Variants in CNTNAP2 observed in about 807,000 individuals in gnomAD.
CNTNAP2 encodes contactin associated protein 2, also known as contactin-associated protein-like 2.
Under a neutral mutation model 155.2 loss-of-function variants are expected in CNTNAP2, and 98 were observed. That is an observed-to-expected ratio of 0.63 (90% CI 0.54 to 0.75). The LOEUF (loss-of-function observed/expected upper bound fraction) is 0.75. CNTNAP2 is among the 30% of genes least tolerant of loss of function. CNTNAP2 has a pLI of 0.00. For synonymous variants in CNTNAP2, 651 were observed against 631.2 expected (o/e 1.03, Z -0.47); for missense variants, 1,727 against 1,688.1 (o/e 1.02, Z -0.40).
intron 10 of CNTNAP2, among the ~76,000 whole-genome samples, chr7:147,423,568 A>G (rs1034017554): frequency 2.6e-5 from 4 of 152,100 alleles, no homozygotes; most frequent in Admixed American, 2.0e-4. Flanking sequence ...GCAGATTTTA[A>G]TGCCTGGTTC....
chr7:147,514,244 C>G (rs925303030), intron 11 of CNTNAP2, among the ~76,000 whole-genome samples: 1 of 151,972 alleles, frequency 6.6e-6, no homozygotes, highest in Non-Finnish European at 1.5e-5. Flanking sequence ...AATTAGATCA[C>G]AGTTTTTTGG....
At chr7:146,701,981 G>A (rs1023275818) in intron 1 of CNTNAP2, among the ~76,000 whole-genome samples, 1 of 152,176 alleles carries the variant, frequency 6.6e-6, no homozygotes, top group African/African-American at 2.4e-5. Flanking sequence ...GGAGAGGGGT[G>A]TGCTTCGCTG....
intron 1 of CNTNAP2, among the ~76,000 whole-genome samples, chr7:146,438,904 T>C (rs1388414617): frequency 1.3e-5 from 2 of 151,580 alleles, no homozygotes; most frequent in Non-Finnish European, 2.9e-5. Flanking sequence ...TGGTCTGTCA[T>C]CCTGAGCATA....
intron 1 of CNTNAP2, among the ~76,000 whole-genome samples, chr7:146,540,456 G>T (rs200118780): frequency 1.3e-5 from 2 of 152,102 alleles, no homozygotes; most frequent in South Asian, 2.1e-4. Flanking sequence ...ATCCATAAAA[G>T]GCTGATAACA....
chr7:146,293,692 C>T (rs574905290), intron 1 of CNTNAP2, among the ~76,000 whole-genome samples: 9 of 152,150 alleles, frequency 5.9e-5, no homozygotes, highest in Admixed American at 2.0e-4. Context: ...TTTCATTTCA[C>T]GTTGTTCTTT....
At chr7:146,789,657 A>G (rs947749491) in intron 2 of CNTNAP2, among the ~76,000 whole-genome samples, 1 of 151,944 alleles carries the variant, frequency 6.6e-6, no homozygotes, top group African/African-American at 2.4e-5. Flanking sequence ...ACCAGTAAAG[A>G]TTTGAACAGA....
At chr7:148,301,862 AG>A (rs1485135774) in intron 21 of CNTNAP2, among the ~76,000 whole-genome samples, 3 of 152,198 alleles carry the variant, frequency 2.0e-5, no homozygotes, top group Admixed American at 2.0e-4. Context: ...GGTGACTTTG[AG>A]GGACTCTGAA....
At chr7:147,668,780 A>T (rs1013761055) in intron 13 of CNTNAP2, among the ~76,000 whole-genome samples, 1 of 151,540 alleles carries the variant, frequency 6.6e-6, no homozygotes, top group Non-Finnish European at 1.5e-5. Flanking sequence ...AAGGTTAATT[A>T]TCAAAGAGAA....
intron 3 of CNTNAP2, among the ~76,000 whole-genome samples, chr7:146,947,553 G>GTA (rs767656171): frequency 2.7e-3 from 283 of 104,712 alleles, no homozygotes; most frequent in Non-Finnish European, 3.0e-3. Flanking sequence ...ATGTGTGTGT[G>GTA]TGTGTATATA....
chr7:147,128,648 C>A, intron 6 of CNTNAP2, 45 bp from the exon 7 acceptor site: 1 of 1,609,898 alleles, frequency 6.2e-7, no homozygotes, highest in South Asian at 1.1e-5. Flanking sequence ...TCTAGTTCAT[C>A]ATAATACAAT....
intron 13 of CNTNAP2, among the ~76,000 whole-genome samples, chr7:147,743,758 T>A (rs1796994529): frequency 6.6e-6 from 1 of 152,020 alleles, no homozygotes; most frequent in Non-Finnish European, 1.5e-5. Context: ...CAGTCCTCTC[T>A]TCCACTGCCA....
At chr7:148,381,947 G>A (rs897066279) in intron 21 of CNTNAP2, among the ~76,000 whole-genome samples, 3 of 152,172 alleles carry the variant, frequency 2.0e-5, no homozygotes, top group Non-Finnish European at 2.9e-5. Flanking sequence ...AACACACTCC[G>A]GTTTTGGAAG....
intron 13 of CNTNAP2, among the ~76,000 whole-genome samples, chr7:147,662,654 C>G (rs1223429302): frequency 6.6e-6 from 1 of 152,044 alleles, no homozygotes; most frequent in Non-Finnish European, 1.5e-5. Context: ...GGAATTATTC[C>G]TACTGGTGAT....
At chr7:146,495,323 G>A (rs889031868) in intron 1 of CNTNAP2, among the ~76,000 whole-genome samples, 2 of 152,076 alleles carry the variant, frequency 1.3e-5, no homozygotes, top group African/African-American at 4.8e-5. Flanking sequence ...TCGAATTAAG[G>A]TTTGTTCTAG....
At chr7:147,239,852 A>G (rs377313629) in intron 8 of CNTNAP2, among the ~76,000 whole-genome samples, 5 of 152,164 alleles carry the variant, frequency 3.3e-5, no homozygotes, top group African/African-American at 2.4e-5. Flanking sequence ...TCAAGTGGCG[A>G]TATGAATATG....
chr7:146,257,092 C>A (rs1421342601), intron 1 of CNTNAP2, among the ~76,000 whole-genome samples: 3 of 152,216 alleles, frequency 2.0e-5, no homozygotes, highest in Non-Finnish European at 4.4e-5. Flanking sequence ...GACCTAGCCA[C>A]AGGCAATAGT....
intron 10 of CNTNAP2, among the ~76,000 whole-genome samples, chr7:147,403,026 T>G (rs766938888): frequency 6.6e-6 from 1 of 151,370 alleles, no homozygotes; most frequent in Non-Finnish European, 1.5e-5. Context: ...TTAAGACTGA[T>G]AGAATAGTCT....
chr7:146,225,344 C>A (rs541142170), intron 1 of CNTNAP2, among the ~76,000 whole-genome samples: 1 of 152,254 alleles, frequency 6.6e-6, no homozygotes, highest in East Asian at 1.9e-4. Flanking sequence ...ATATCACATC[C>A]AGGAAGAATT....
At chr7:148,262,594 T>C (rs74844191) in intron 20 of CNTNAP2, among the ~76,000 whole-genome samples, 8,629 of 152,124 alleles carry the variant, frequency 0.057, 381 homozygotes, top group African/African-American at 0.12. Context: ...TCTGCTTCCG[T>C]TGTCACATCT....
Sources: gnomAD v4.1 joint callset for allele counts (sites outside exome capture counted in the v4.1 genomes callset) on GRCh38, gnomAD v4.1.1 for gene constraint, MANE v1.5 for transcripts, NCBI Gene and HGNC (gene_info 2026-07-23, HGNC 2026-07-21) for gene names.